The following ADAMTS12 variants were observed in gnomAD, a reference collection of about 807,000 sequenced individuals.
The protein encoded by ADAMTS12 is A disintegrin and metalloproteinase with thrombospondin motifs 12.
A neutral mutation model predicts 167.8 loss-of-function variants in ADAMTS12; 118 were observed. The observed-to-expected ratio is 0.70, with a 90% CI of 0.61 to 0.82. The LOEUF is 0.82. Ranked by LOEUF, ADAMTS12 falls within the 40% of genes least tolerant of loss-of-function variation. The pLI, the probability that ADAMTS12 is intolerant of heterozygous loss-of-function variation, is 0.00. For missense variants in ADAMTS12, 1,916 were observed against 1,998.8 expected (o/e 0.96, Z 0.79); for synonymous variants, 704 against 716.9 (o/e 0.98, Z 0.29).
intron 20 of ADAMTS12, among the ~76,000 whole-genome samples, chr5:33,554,096 A>G (rs1745382577): frequency 6.6e-6 from 1 of 152,248 alleles, no homozygotes; most frequent in African/African-American, 2.4e-5. Flanking sequence ...GAGGACACAA[A>G]GGAGGAGACA....
chr5:33,653,347 A>G (rs1423015749), intron 7 of ADAMTS12, among the ~76,000 whole-genome samples: 1 of 152,122 alleles, frequency 6.6e-6, no homozygotes, highest in African/African-American at 2.4e-5. Flanking sequence ...CCAGCTTTGC[A>G]TCCCTGAAAT....
chr5:33,817,665 T>C (rs940307306), intron 2 of ADAMTS12, among the ~76,000 whole-genome samples: 22 of 152,064 alleles, frequency 1.4e-4, no homozygotes, highest in African/African-American at 5.3e-4. Flanking sequence ...GATAATGTCA[T>C]CAGAAAATAT....
chr5:33,782,877 T>C (rs975063959), intron 2 of ADAMTS12, among the ~76,000 whole-genome samples: 2 of 152,038 alleles, frequency 1.3e-5, no homozygotes, highest in Admixed American at 6.6e-5. Context: ...ATAGAAAAAC[T>C]TGACAAAAAT....
chr5:33,579,436 C>T (rs552189384), intron 18 of ADAMTS12, among the ~76,000 whole-genome samples: 1 of 152,188 alleles, frequency 6.6e-6, no homozygotes, highest in Admixed American at 6.5e-5. Context: ...TAATAGGAAA[C>T]GCTTCTATTT....
chr5:33,548,065 G>A (rs544583515), intron 21 of ADAMTS12, among the ~76,000 whole-genome samples: 7 of 152,334 alleles, frequency 4.6e-5, no homozygotes, highest in African/African-American at 1.4e-4. Context: ...TGCTTGGCCG[G>A]TGGGTGGTAA....
rs1276975002 is a variant in ADAMTS12 at position 33,614,260 on chromosome 5, C to T, written c.2505G>A (p.Glu835=). ...MYFWQYGHWT[E]CSVTCGTGIR... Reference sequence around the variant, plus strand: ...CACCTGTCCCGCAGGTCACACTGCACTCTGTCCAGTGGCCGTACTGCCAGA... The same window carrying T: ...CACCTGTCCCGCAGGTCACACTGCATTCTGTCCAGTGGCCGTACTGCCAGA... Residue 835 remains glutamate (E), a synonymous_variant, in exon 16 of 24, where the codon GAG becomes GAA. Coordinates refer to ENST00000504830, the MANE Select transcript of ADAMTS12 (RefSeq NM_030955.4). 1.2e-6 allele frequency: 2 copies of T among 1,613,832 alleles called. No homozygotes were observed. Among genetic ancestry groups the T allele is most frequent in the African/African-American group, 2.7e-5 (2 of 74,922 alleles).
intron 2 of ADAMTS12, among the ~76,000 whole-genome samples, chr5:33,865,734 T>C (rs969068420): frequency 1.3e-5 from 2 of 152,136 alleles, no homozygotes; most frequent in Non-Finnish European, 2.9e-5. Flanking sequence ...TTCAAAAGAC[T>C]CCTAGATTTG....
intron 2 of ADAMTS12, among the ~76,000 whole-genome samples, chr5:33,785,966 T>C (rs1746308698): frequency 6.6e-6 from 1 of 152,170 alleles, no homozygotes; most frequent in Non-Finnish European, 1.5e-5. Flanking sequence ...AGCAATACAA[T>C]GGAATACTAT....
intron 2 of ADAMTS12, among the ~76,000 whole-genome samples, chr5:33,762,047 T>G (rs1456708315): frequency 3.3e-5 from 5 of 151,366 alleles, no homozygotes; most frequent in Admixed American, 6.6e-5. Context: ...ACAACATTAG[T>G]CAGGTGTCGT....
intron 2 of ADAMTS12, among the ~76,000 whole-genome samples, chr5:33,845,586 A>G (rs1431628251): frequency 2.0e-5 from 3 of 152,232 alleles, no homozygotes; most frequent in African/African-American, 7.2e-5. Flanking sequence ...TGCATGTCTG[A>G]TGAGGAACAG....
intron 1 of ADAMTS12, among the ~76,000 whole-genome samples, chr5:33,881,933 A>C (rs2111779138): frequency 6.6e-6 from 1 of 152,138 alleles, no homozygotes; most frequent in South Asian, 2.1e-4. Context: ...CCTTTCCATC[A>C]CACAAATACT....
intron 10 of ADAMTS12, 60 bp downstream of exon 10, chr5:33,643,318 G>A (rs937192590): frequency 6.4e-7 from 1 of 1,564,500 alleles, no homozygotes. Context: ...CTTCTCCTCA[G>A]CTCCTCCCAA....
intron 7 of ADAMTS12, among the ~76,000 whole-genome samples, chr5:33,650,907 G>A (rs1241439192): frequency 3.3e-5 from 5 of 152,280 alleles, no homozygotes; most frequent in Middle Eastern, 6.8e-3. Flanking sequence ...GTCTGACTGG[G>A]AAGCTCATAT....
chr5:33,623,245 C>A (rs183517084), intron 14 of ADAMTS12, among the ~76,000 whole-genome samples: 3 of 152,312 alleles, frequency 2.0e-5, no homozygotes, highest in African/African-American at 7.2e-5. Flanking sequence ...GTAGCAGACA[C>A]TGCCCCTCTC....
intron 2 of ADAMTS12, among the ~76,000 whole-genome samples, chr5:33,759,520 T>A (rs1170141373): frequency 6.6e-6 from 1 of 152,184 alleles, no homozygotes; most frequent in Non-Finnish European, 1.5e-5. Flanking sequence ...AGGCAATTCA[T>A]GAAAATGACC....
chr5:33,585,483 C>G (rs531731121), intron 18 of ADAMTS12, among the ~76,000 whole-genome samples: 1 of 152,314 alleles, frequency 6.6e-6, no homozygotes, highest in African/African-American at 2.4e-5. Context: ...CACATCCTGG[C>G]TTCTGGAGTG....
chr5:33,554,217 T>C (rs946747860), intron 20 of ADAMTS12, among the ~76,000 whole-genome samples: 1 of 152,126 alleles, frequency 6.6e-6, no homozygotes, highest in Non-Finnish European at 1.5e-5. Flanking sequence ...TGGGGGGACA[T>C]TTGAAGTGGA....
chr5:33,802,576 G>A (rs951556695), intron 2 of ADAMTS12, among the ~76,000 whole-genome samples: 20 of 152,228 alleles, frequency 1.3e-4, no homozygotes, highest in East Asian at 9.7e-4. Flanking sequence ...CATGACTCCC[G>A]TTAAATGCCC....
intron 19 of ADAMTS12, among the ~76,000 whole-genome samples, chr5:33,562,345 T>G (rs978123298): frequency 1.3e-4 from 20 of 152,184 alleles, no homozygotes; most frequent in Non-Finnish European, 2.4e-4. Context: ...TTCTTAAATA[T>G]CTCAGGTTTA....
Sources: gnomAD v4.1 joint callset for allele counts (sites outside exome capture counted in the v4.1 genomes callset) on GRCh38, gnomAD v4.1.1 for gene constraint, MANE v1.5 for transcripts, NCBI Gene and HGNC (gene_info 2026-07-23, HGNC 2026-07-21) for gene names.